The following USP20 variants were observed in gnomAD, a reference collection of about 807,000 sequenced individuals.
USP20 encodes the protein ubiquitin specific peptidase 20, also known as ubiquitin carboxyl-terminal hydrolase 20.
In USP20, 80 loss-of-function variants were observed where a neutral mutation model predicts 124.2. That is an observed-to-expected ratio of 0.64 (90% CI 0.54 to 0.78). The LOEUF (loss-of-function observed/expected upper bound fraction) is 0.78. USP20 is among the 30% of genes least tolerant of loss of function. USP20 has a pLI of 0.00. For synonymous variants in USP20, 481 were observed against 512.3 expected (o/e 0.94, Z 0.83); for missense variants, 1,043 against 1,244.4 (o/e 0.84, Z 2.44).
Position 129,862,481 on chromosome 9 carries a change from A to T in USP20, c.498-705A>T, listed in dbSNP as rs374452036. On this transcript the variant is annotated intron_variant, in intron 8 of 25. Coordinates refer to ENST00000372429, the MANE Select transcript of USP20 (RefSeq NM_001110303.4). Reference sequence around the variant, plus strand: ...GGCAGGAGAATCGCTTGAACCCGGGAGGCGGAGGTTGCAGTGAGCTGAGAT... The same window carrying T: ...GGCAGGAGAATCGCTTGAACCCGGGTGGCGGAGGTTGCAGTGAGCTGAGAT... 2.3e-3 allele frequency among the ~76,000 whole-genome samples: 330 copies of T among 144,228 alleles called. 3 individuals are homozygous for T. The highest frequency in any genetic ancestry group is 8.0e-3 in the African/African-American group (313 of 38,952). 94.6% of individuals were successfully genotyped at this position (144,228 alleles called of 152,430 possible). A position where few individuals can be genotyped will look rare whatever the true frequency, so the allele number is the denominator to read the frequency against.
At chr9:129,845,690 C>A (rs1224889137) in intron 1 of USP20, among the ~76,000 whole-genome samples, 1 of 151,876 alleles carries the variant, frequency 6.6e-6, no homozygotes. Context: ...CTGTGACTGA[C>A]CTTATTAGAT....
chr9:129,855,746 T>C (rs1236240650), intron 3 of USP20, among the ~76,000 whole-genome samples: 1 of 152,196 alleles, frequency 6.6e-6, no homozygotes, highest in Non-Finnish European at 1.5e-5. Context: ...ATGCATCCCA[T>C]TGTTAAAGCA....
chr9:129,872,346 T>C, intron 15 of USP20, among the ~76,000 whole-genome samples: 1 of 151,866 alleles, frequency 6.6e-6, no homozygotes, highest in Admixed American at 6.6e-5. Context: ...AGAGATGGGG[T>C]TTTGCCATGT....
intron 1 of USP20, among the ~76,000 whole-genome samples, chr9:129,841,303 G>A (rs887210292): frequency 1.3e-5 from 2 of 152,094 alleles, no homozygotes; most frequent in Non-Finnish European, 2.9e-5. Context: ...TGTGAGTCCG[G>A]ATTTTCTCAT....
intron 9 of USP20, 23 bp from the exon 10 acceptor site, chr9:129,865,280 T>C (rs2033767859): frequency 6.2e-7 from 1 of 1,613,616 alleles, no homozygotes; most frequent in Admixed American, 1.7e-5. Context: ...CTACCTGGAC[T>C]AATGGGTTTG....
At chr9:129,864,935 T>C (rs543120043) in intron 9 of USP20, among the ~76,000 whole-genome samples, 4 of 152,340 alleles carry the variant, frequency 2.6e-5, no homozygotes, top group Non-Finnish European at 5.9e-5. Context: ...GGTGGTGTTT[T>C]TCTCTTGTAC....
rs767815953 is a variant in USP20 at position 129,866,566 on chromosome 9, G to A, written c.690+1185G>A. ...GCACCACCCTGACTGTGTGCAAGGCGCCCTGCCGGCTTTCAGCTCTGGGTC... is the reference window on the plus strand; with the variant it reads ...GCACCACCCTGACTGTGTGCAAGGCACCCTGCCGGCTTTCAGCTCTGGGTC... On this transcript the variant is annotated intron_variant, in intron 10 of 25. Transcript: ENST00000372429. Among the ~76,000 whole-genome samples, 125 of 152,280 alleles carry A rather than the reference G, an allele frequency of 8.2e-4. 1 individual carries two copies. The highest frequency in any genetic ancestry group is 3.2e-4 in the Non-Finnish European group (22 of 68,028).
chr9:129,873,473 C>A lies in USP20; in HGVS notation c.1661-9C>A. ...TGCTAACCTCTGACCCTTTGTTTTA[C>A]TGCCCTAGGTGACAACATGTACAGC... On this transcript the variant is annotated splice_polypyrimidine_tract_variant and intron_variant, in intron 15 of 25. Coordinates refer to ENST00000372429, the MANE Select transcript of USP20 (RefSeq NM_001110303.4). The A allele has an allele frequency of 6.2e-7, 1 of 1,614,194 alleles. No homozygotes were observed. The highest frequency in any genetic ancestry group is 8.5e-7 in the Non-Finnish European group (1 of 1,180,012).
intron 6 of USP20, among the ~76,000 whole-genome samples, chr9:129,859,304 C>T (rs1357315481): frequency 2.8e-4 from 4 of 14,262 alleles, no homozygotes; most frequent in South Asian, 4.1e-3. Context: ...GACCGAGTCT[C>T]GCTCTGTTGC....
chr9:129,858,378 G>A lies in USP20; in HGVS notation c.199-89G>A, dbSNP rs909954751. On this transcript the variant is annotated intron_variant, in intron 5 of 25. Coordinates refer to ENST00000372429, the MANE Select transcript of USP20 (RefSeq NM_001110303.4). ...CTCTGTCCTGACAGGGCCTCTTACT[G>A]AGAGGCTGGGGAGCGGAGCAGCCAT... The A allele has an allele frequency of 8.9e-6, 14 of 1,570,372 alleles. No homozygotes were observed. In the African/African-American group the frequency reaches 1.6e-4, roughly 18 times the overall value.
At chr9:129,841,624 G>T (rs1219499754) in intron 1 of USP20, among the ~76,000 whole-genome samples, 1 of 152,166 alleles carries the variant, frequency 6.6e-6, no homozygotes, top group Non-Finnish European at 1.5e-5. Flanking sequence ...CTCAGCCTTG[G>T]TGGAGAAAGG....
At chr9:129,853,791 G>A (rs2033066302) in intron 3 of USP20, among the ~76,000 whole-genome samples, 1 of 152,204 alleles carries the variant, frequency 6.6e-6, no homozygotes, top group Admixed American at 6.5e-5. Context: ...GCAGGGGGGG[G>A]ATGAAGCAGG....
intron 17 of USP20, 52 bp from the exon 18 acceptor site, chr9:129,874,524 A>G: frequency 1.3e-6 from 2 of 1,590,654 alleles, no homozygotes; most frequent in Non-Finnish European, 1.7e-6. Flanking sequence ...CAAGGCTGCG[A>G]GGGCCCGCAT....
intron 6 of USP20, among the ~76,000 whole-genome samples, chr9:129,859,025 TTC>T (rs1342784151): frequency 3.9e-5 from 6 of 151,974 alleles, no homozygotes; most frequent in Non-Finnish European, 7.4e-5. Context: ...TACAGCACAC[TTC>T]TCTATGGGAA....
At chr9:129,869,473 TCAG>T (rs1248780573) in intron 13 of USP20, 48 bp downstream of exon 13, 1 of 1,585,616 alleles carries the variant, frequency 6.3e-7, no homozygotes, top group Admixed American at 1.7e-5. Flanking sequence ...GCCAGTGGCC[TCAG>T]CAGCTCTTGC....
intron 6 of USP20, among the ~76,000 whole-genome samples, chr9:129,859,288 T>TATTTTATTTTATTTATTTTATTA (rs2033409289): frequency 7.2e-6 from 1 of 139,410 alleles, no homozygotes; most frequent in African/African-American, 2.6e-5. Flanking sequence ...TATTTTAATT[T>TATTTTATTTTATTTATTTTATTA]TTTGAGACCG....
chr9:129,867,287 C>A (rs556069825), intron 10 of USP20, among the ~76,000 whole-genome samples: 2 of 152,166 alleles, frequency 1.3e-5, no homozygotes, highest in African/African-American at 4.8e-5. Flanking sequence ...CGCCTCTGCC[C>A]GAGCCCCTGC....
At chr9:129,847,543 C>T (rs577757657) in intron 1 of USP20, among the ~76,000 whole-genome samples, 48 of 152,108 alleles carry the variant, frequency 3.2e-4, no homozygotes, top group Non-Finnish European at 6.0e-4. Context: ...TCTCATGATC[C>T]GCCCGCCTCA....
At chr9:129,842,899 G>A (rs112355164) in intron 1 of USP20, among the ~76,000 whole-genome samples, 14 of 152,042 alleles carry the variant, frequency 9.2e-5, no homozygotes, top group African/African-American at 3.1e-4. Flanking sequence ...GGCCCTTTGT[G>A]TGGAATATTA....
Sources: gnomAD v4.1 joint callset for allele counts (sites outside exome capture counted in the v4.1 genomes callset) on GRCh38, gnomAD v4.1.1 for gene constraint, MANE v1.5 for transcripts, NCBI Gene and HGNC (gene_info 2026-07-23, HGNC 2026-07-21) for gene names.